Variants in CDH4 observed in about 807,000 individuals in gnomAD.
The protein encoded by CDH4 is cadherin-4.
CDH4 carries 33 observed loss-of-function variants against 86.0 expected under a neutral mutation model. The observed-to-expected ratio is 0.38, with a 90% CI of 0.29 to 0.51. The LOEUF is 0.51. Among genes scored for constraint, CDH4 ranks in the 20% least tolerant of loss-of-function variants. The pLI, the probability that CDH4 is intolerant of heterozygous loss-of-function variation, is 0.86. For missense variants in CDH4, 1,114 were observed against 1,307.4 expected (o/e 0.85, Z 2.28); for synonymous variants, 555 against 549.4 (o/e 1.01, Z -0.14).
At chr20:61,601,897 A>G (rs2086603692) in intron 2 of CDH4, among the ~76,000 whole-genome samples, 2 of 152,220 alleles carry the variant, frequency 1.3e-5, no homozygotes, top group African/African-American at 4.8e-5. Flanking sequence ...ACAGCTCTGT[A>G]GAAAAGTCAG....
chr20:61,588,944 T>C (rs2145729295), intron 2 of CDH4, among the ~76,000 whole-genome samples: 1 of 152,352 alleles, frequency 6.6e-6, no homozygotes, highest in Admixed American at 6.5e-5. Context: ...GTTGGCATTC[T>C]GTTCGTAAAA....
chr20:61,686,447 G>A (rs1388304919), intron 2 of CDH4, among the ~76,000 whole-genome samples: 1 of 147,662 alleles, frequency 6.8e-6, no homozygotes. Flanking sequence ...GTGTGCGTGT[G>A]CATTCGTGTG....
chr20:61,929,805 C>G lies in CDH4; in HGVS notation c.2202C>G (p.Ala734=). The change falls in exon 13 of 16, where the codon GCC becomes GCG. Residue 734 remains alanine, a synonymous_variant. Transcript: ENST00000614565. ...AVAAAGLGTG[A]IVAILICILI... is the part of the protein sequence containing the mutation. ...CAGCGGCTGGTCTGGGCACCGGTGCCATCGTGGCCATCCTCATCTGCATCC... is the reference window on the plus strand; with the variant it reads ...CAGCGGCTGGTCTGGGCACCGGTGCGATCGTGGCCATCCTCATCTGCATCC... The G allele has an allele frequency of 6.2e-7, 1 of 1,614,004 alleles. No individual in the cohort carries two copies. Among genetic ancestry groups the G allele is most frequent in the Middle Eastern group, 1.6e-4 (1 of 6,062 alleles).
At chr20:61,304,928 A>C (rs1464126176) in intron 2 of CDH4, among the ~76,000 whole-genome samples, 1 of 149,094 alleles carries the variant, frequency 6.7e-6, no homozygotes, top group Non-Finnish European at 1.5e-5. Context: ...TGTGTTGTAC[A>C]TGCAGTGTAT....
chr20:61,378,780 A>C (rs2084884983), intron 2 of CDH4, among the ~76,000 whole-genome samples: 1 of 152,242 alleles, frequency 6.6e-6, no homozygotes, highest in Admixed American at 6.5e-5. Context: ...CATAATTTTT[A>C]GAACTTTTTT....
At chr20:61,921,820 C>T (rs1329062715) in intron 9 of CDH4, among the ~76,000 whole-genome samples, 1 of 151,984 alleles carries the variant, frequency 6.6e-6, no homozygotes. Flanking sequence ...CTCACACTCC[C>T]AGCTGTGACC....
rs186140686 is a variant in CDH4, at chr20:61,829,533, G to C, written c.577-15135G>C. Among the ~76,000 whole-genome samples the C allele has an allele frequency of 6.6e-6, 1 of 152,208 alleles. No individual in the cohort carries two copies. Among genetic ancestry groups the C allele is most frequent in the Non-Finnish European group, 1.5e-5 (1 of 68,042 alleles). On this transcript the variant is annotated intron_variant, in intron 4 of 15. Coordinates refer to ENST00000614565, the MANE Select transcript of CDH4 (RefSeq NM_001794.5). This position sits in a 1 kb window ranked among gnomAD's most constrained non-coding sequence, Gnocchi z 4.2. ...CCCAGCAGTGGGATTGCTGGGTCAC[G>C]CATGCAGCAGCTCTGCTCGCCTTTC...
At chr20:61,279,194 G>C (rs114586024) in intron 2 of CDH4, among the ~76,000 whole-genome samples, 25 of 152,142 alleles carry the variant, frequency 1.6e-4, no homozygotes, top group African/African-American at 6.0e-4. Context: ...AACATTCTAC[G>C]TGGTGGGCAG....
intron 2 of CDH4, among the ~76,000 whole-genome samples, chr20:61,296,262 CGT>C (rs370558703): frequency 0.45 from 20,130 of 44,444 alleles, 1,605 homozygotes; most frequent in Non-Finnish European, 0.5. Flanking sequence ...TGCATGTGTG[CGT>C]GTGTGTGTGT....
At chr20:61,665,895 A>T (rs910856804) in intron 2 of CDH4, among the ~76,000 whole-genome samples, 1 of 152,170 alleles carries the variant, frequency 6.6e-6, no homozygotes, top group Non-Finnish European at 1.5e-5. Context: ...AGCCCAGGAA[A>T]ATCGCAGCGG....
chr20:61,338,337 T>C (rs149817144), intron 2 of CDH4, among the ~76,000 whole-genome samples: 77 of 152,328 alleles, frequency 5.1e-4, no homozygotes, highest in African/African-American at 1.7e-3. Flanking sequence ...CAGAGGTTTT[T>C]CCTGCACCTA....
At chr20:61,729,818 A>G (rs1317060143) in intron 2 of CDH4, among the ~76,000 whole-genome samples, 1 of 152,198 alleles carries the variant, frequency 6.6e-6, no homozygotes, top group Non-Finnish European at 1.5e-5. Flanking sequence ...GGATGCATCA[A>G]GAAGAAAAGC....
intron 2 of CDH4, among the ~76,000 whole-genome samples, chr20:61,485,855 G>T (rs1010489833): frequency 1.3e-5 from 2 of 152,210 alleles, no homozygotes; most frequent in Non-Finnish European, 2.9e-5. Flanking sequence ...GCACTGAATT[G>T]CTTCATTCAC....
rs188859564 is a variant in CDH4, at chr20:61,688,893, C to T, written c.170-54670C>T. The stretch of plus-strand genomic sequence containing the variant: ...ATCTCAGCTGCTTAGAGAGAGGCAC[C>T]GCTAGTTAGGTGGTCCTCCTTCAAG... On this transcript the variant is annotated intron_variant, in intron 2 of 15. Coordinates refer to ENST00000614565, the MANE Select transcript of CDH4 (RefSeq NM_001794.5). Among the ~76,000 whole-genome samples the T allele has an allele frequency of 4.6e-5, 7 of 152,346 alleles. No individual in the cohort carries two copies. The East Asian group carries it at 5.8e-4, about 13-fold the overall frequency.
chr20:61,739,931 G>A (rs549315392), intron 2 of CDH4, among the ~76,000 whole-genome samples: 2 of 152,340 alleles, frequency 1.3e-5, no homozygotes, highest in African/African-American at 4.8e-5. Context: ...TCAGTGCCAG[G>A]CAACACCGTC....
At chr20:61,692,211 A>G (rs999267741) in intron 2 of CDH4, among the ~76,000 whole-genome samples, 7 of 136,892 alleles carry the variant, frequency 5.1e-5, no homozygotes, top group African/African-American at 1.6e-4. Flanking sequence ...GTGTATGTCT[A>G]TGTATGTATG....
At position 61,567,313 on chromosome 20, in the gene CDH4, G is replaced by A. The variant is rs138466640; in HGVS notation, c.170-176250G>A. Among the ~76,000 whole-genome samples the A allele has an allele frequency of 4.0e-3, 616 of 152,298 alleles. 6 individuals are homozygous for A. Among genetic ancestry groups the A allele is most frequent in the African/African-American group, 0.014 (585 of 41,554 alleles). On this transcript the variant is annotated intron_variant, in intron 2 of 15. Coordinates refer to ENST00000614565, the MANE Select transcript of CDH4 (RefSeq NM_001794.5). ...AACTGCAGACAGACTGGGTGGCTTA[G>A]AAATAACAGAAATGTACTTTTCACA...
At chr20:61,682,126 C>CAAGG (rs767535043) in intron 2 of CDH4, among the ~76,000 whole-genome samples, 2 of 152,048 alleles carry the variant, frequency 1.3e-5, no homozygotes, top group Non-Finnish European at 2.9e-5. Context: ...GAAGGTGGAC[C>CAAGG]AAGGAATGGG....
rs115607365 is a variant in CDH4, at chr20:61,742,234, G to A, written c.170-1329G>A. ...CCTGTCCATCAGAGGAGCCACCGGG[G>A]GGCTCTGGAGTCTGGAAGTTTCATT... is the stretch of plus-strand genomic sequence containing the variant. On this transcript the variant is annotated intron_variant, in intron 2 of 15. Transcript: ENST00000614565. Among the ~76,000 whole-genome samples the A allele has an allele frequency of 9.0e-3, 1,368 of 152,276 alleles. 23 individuals are homozygous for A. The highest frequency in any genetic ancestry group is 0.031 in the African/African-American group (1,300 of 41,548).
Sources: allele counts gnomAD v4.1 joint callset (sites outside exome capture counted in the v4.1 genomes callset), GRCh38; gene constraint gnomAD v4.1.1; non-coding constraint Gnocchi (gnomAD v3.1); transcripts MANE v1.5; gene names NCBI Gene and HGNC (gene_info 2026-07-23, HGNC 2026-07-21).